NKX2-8: variants seen among roughly 807,000 people sequenced by gnomAD.
The protein encoded by NKX2-8 is NK2 homeobox 8.
NKX2-8 carries 8 observed loss-of-function variants against 6.4 expected under a neutral mutation model. That is an observed-to-expected ratio of 1.24 (90% CI 0.73 to 2.24). NKX2-8 has a LOEUF of 2.24. Ranked by LOEUF, NKX2-8 falls within the 30% of genes most tolerant of loss-of-function variation. The probability of loss-of-function intolerance (pLI) is 0.00; values close to 1 mark genes in which losing one functional copy is unlikely to be tolerated. For synonymous variants in NKX2-8, 216 were observed against 171.5 expected (o/e 1.26, Z -2.03); for missense variants, 406 against 351.1 (o/e 1.16, Z -1.25).
In NKX2-8 at chr14:36,582,586, C is replaced by G. The variant is rs889297199; in HGVS notation, c.-197G>C. On this transcript the variant is annotated 5_prime_UTR_variant, in exon 1 of 2. Transcript: ENST00000258829. Reference sequence around the variant, plus strand: ...GCTTTGAAAGCCGAGGTCCGGGTCTCCAGGGTGTTAAGTACCTGAATGAGC... The same window carrying G: ...GCTTTGAAAGCCGAGGTCCGGGTCTGCAGGGTGTTAAGTACCTGAATGAGC... 1.6e-5 allele frequency: 8 copies of G among 510,116 alleles called. No individual in the cohort carries two copies. Among genetic ancestry groups the G allele is most frequent in the Non-Finnish European group, 2.3e-5 (7 of 301,684 alleles). 31.6% of individuals were successfully genotyped at this position (510,116 alleles called of 1,614,324 possible).
rs1951596086 is a variant in NKX2-8, at chr14:36,581,845, G to A, written c.158-381C>T. Among the ~76,000 whole-genome samples, 1 of 151,114 alleles carries A rather than the reference G, an allele frequency of 6.6e-6. No homozygotes were observed. Among genetic ancestry groups the A allele is most frequent in the South Asian group, 2.1e-4 (1 of 4,738 alleles). On this transcript the variant is annotated intron_variant, in intron 1 of 1. Coordinates refer to ENST00000258829, the MANE Select transcript of NKX2-8 (RefSeq NM_014360.4). The surrounding 1 kb of genome is among the most constrained non-coding windows in gnomAD (Gnocchi z 5.6). ...CGGAGCCCTGAGTGGGAACGGGGTGGGGGTAAACTCGCCAACACTGGCCAT... is the reference window on the plus strand; with the variant it reads ...CGGAGCCCTGAGTGGGAACGGGGTGAGGGTAAACTCGCCAACACTGGCCAT...
Position 36,580,828 on chromosome 14 carries a change from T to G in NKX2-8, c.*74A>C. On this transcript the variant is annotated 3_prime_UTR_variant, in exon 2 of 2. Transcript: ENST00000258829. ...AGGCGGACGGAGAGCGTTCCAGGCG[T>G]TCGGCTCCGGCCCTGCTCCAATCGC... The G allele has an allele frequency of 9.0e-7, 1 of 1,109,642 alleles. No individual in the cohort carries two copies. Among genetic ancestry groups the G allele is most frequent in the Non-Finnish European group, 1.1e-6 (1 of 873,236 alleles). The allele number at this position is 1,109,642 out of a possible 1,614,324, so 68.7% of individuals were successfully genotyped here. A position where few individuals can be genotyped will look rare whatever the true frequency, so the allele number is the denominator to read the frequency against.
rs1467561151 is a variant in NKX2-8, at chr14:36,581,743, C to T, written c.158-279G>A. 6.6e-6 allele frequency among the ~76,000 whole-genome samples: 1 copy of T among 152,198 alleles called. No homozygotes were observed. Among genetic ancestry groups the T allele is most frequent in the Non-Finnish European group, 1.5e-5 (1 of 68,034 alleles). On this transcript the variant is annotated intron_variant, in intron 1 of 1. Transcript: ENST00000258829. The surrounding 1 kb of genome is among the most constrained non-coding windows in gnomAD (Gnocchi z 5.6). ...ATGTCCGCACCGGTAGTTGCGCTGGCCGACCAGTTTATCACAAGCTGGGTC... is the reference window on the plus strand; with the variant it reads ...ATGTCCGCACCGGTAGTTGCGCTGGTCGACCAGTTTATCACAAGCTGGGTC...
rs116790025 is a variant in NKX2-8 at position 36,580,683 on chromosome 14, G to A, written c.*219C>T. The A allele has an allele frequency of 0.011, 4,443 of 396,846 alleles. 201 individuals are homozygous for A. The highest frequency in any genetic ancestry group is 0.083 in the African/African-American group (4,053 of 48,648). 24.6% of individuals were successfully genotyped at this position (396,846 alleles called of 1,614,324 possible). On this transcript the variant is annotated 3_prime_UTR_variant, in exon 2 of 2. Coordinates refer to ENST00000258829, the MANE Select transcript of NKX2-8 (RefSeq NM_014360.4). ...CCCAAGCATAAAATCTAACTCTGGG[G>A]CTGGCGGTGGAGGGAAGGTGAGGGA...
At position 36,581,474 on chromosome 14, in the gene NKX2-8, G is replaced by C; in HGVS notation, c.158-10C>G. 6.5e-7 allele frequency: 1 copy of C among 1,528,956 alleles called. No individual in the cohort carries two copies. Among genetic ancestry groups the C allele is most frequent in the South Asian group, 1.3e-5 (1 of 75,790 alleles). The allele number at this position is 1,528,956 out of a possible 1,614,324, so 94.7% of individuals were successfully genotyped here. A position where few individuals can be genotyped will look rare whatever the true frequency, so the allele number is the denominator to read the frequency against. On this transcript the variant is annotated splice_polypyrimidine_tract_variant and intron_variant, in intron 1 of 1. Coordinates refer to ENST00000258829, the MANE Select transcript of NKX2-8 (RefSeq NM_014360.4). The surrounding 1 kb of genome is among the most constrained non-coding windows in gnomAD (Gnocchi z 5.6). Reference sequence around the variant, plus strand: ...CTGCTCTCGTCCGAGGCTAGGGACAGCAAAGGAGACACGGGTGGGTGAGAC... The same window carrying C: ...CTGCTCTCGTCCGAGGCTAGGGACACCAAAGGAGACACGGGTGGGTGAGAC...
intron 1 of NKX2-8, 112 bp downstream of exon 1, chr14:36,582,121 T>C: frequency 2.5e-6 from 3 of 1,213,462 alleles, no homozygotes; most frequent in Non-Finnish European, 3.4e-6. Flanking sequence ...TGAGGAAATC[T>C]AGACTCTGGG....
rs1052087496 is a variant in NKX2-8 at position 36,580,318 on chromosome 14, G to A, written c.*584C>T. On this transcript the variant is annotated 3_prime_UTR_variant, in exon 2 of 2. Coordinates refer to ENST00000258829, the MANE Select transcript of NKX2-8 (RefSeq NM_014360.4). Reference sequence around the variant, plus strand: ...GGCCAGTGACGCCTCCCGCTGACAAGAATCCCAAAGTTGCCTCAGCTTCCT... The same window carrying A: ...GGCCAGTGACGCCTCCCGCTGACAAAAATCCCAAAGTTGCCTCAGCTTCCT... Among the ~76,000 whole-genome samples the A allele has an allele frequency of 6.6e-6, 1 of 152,168 alleles. No individual in the cohort carries two copies. The highest frequency in any genetic ancestry group is 1.5e-5 in the Non-Finnish European group (1 of 68,024).
chr14:36,580,808 G>C lies in NKX2-8; in HGVS notation c.*94C>G, dbSNP rs1020762356. ...AAGGAGATGGGGCTGCAGGGAGGCG[G>C]ACGGAGAGCGTTCCAGGCGTTCGGC... On this transcript the variant is annotated 3_prime_UTR_variant, in exon 2 of 2. Coordinates refer to ENST00000258829, the MANE Select transcript of NKX2-8 (RefSeq NM_014360.4). 2 of 950,158 alleles carry C rather than the reference G, an allele frequency of 2.1e-6. No individual in the cohort carries two copies. The highest frequency in any genetic ancestry group is 2.7e-6 in the Non-Finnish European group (2 of 728,698). The allele number at this position is 950,158 out of a possible 1,614,324, so 58.9% of individuals were successfully genotyped here.
chr14:36,582,310 C>G lies in NKX2-8; in HGVS notation c.80G>C (p.Arg27Thr). 1.9e-6 allele frequency: 3 copies of G among 1,608,088 alleles called. No homozygotes were observed. The highest frequency in any genetic ancestry group is 2.5e-6 in the Non-Finnish European group (3 of 1,176,954). ...GGGGGCGCGTGGTTCTGGCTCCCGCCTCGGCAGGTGTTGCGCGTCCTGCTC... is the reference window on the plus strand; with the variant it reads ...GGGGGCGCGTGGTTCTGGCTCCCGCGTCGGCAGGTGTTGCGCGTCCTGCTC... ...LPEQDAQHLPRREPEPRAPQP... is the reference protein window; with the variant it reads ...LPEQDAQHLPTREPEPRAPQP... The change falls in exon 1 of 2, where the codon AGG becomes ACG. Residue 27 changes from arginine to threonine, a missense_variant. By Grantham distance (71) the Arg-to-Thr change is moderately conservative. Transcript: ENST00000258829.
rs1485555670 is a variant in NKX2-8 at position 36,582,254 on chromosome 14, A to T, written c.136T>A (p.Ser46Thr). Residue 46 changes from serine (S) to threonine (T), a missense_variant, in exon 1 of 2, where the codon TCG becomes ACG. By Grantham distance (58) the Ser-to-Thr change is moderately conservative. Transcript: ENST00000258829. Reference sequence around the variant, plus strand: ...TTACAAGGGTAGTGGCCGCGCTCCGAATCCAGCCAGGCGGCGCAGGGGTCG... The same window carrying T: ...TTACAAGGGTAGTGGCCGCGCTCCGTATCCAGCCAGGCGGCGCAGGGGTCG... ...QPDPCAAWLD[S>T]ERGHYPSSDE... 3 of 1,608,912 alleles carry T rather than the reference A, an allele frequency of 1.9e-6. No individual in the cohort carries two copies. Among genetic ancestry groups the T allele is most frequent in the Non-Finnish European group, 2.5e-6 (3 of 1,177,552 alleles).
chr14:36,580,094 C>T lies in NKX2-8; in HGVS notation c.*808G>A, dbSNP rs1182217393. The stretch of plus-strand genomic sequence containing the variant: ...CCCCAGGCACTTTTCAAAGGGTCCC[C>T]GAGCACTTGGCTCCTGCACTCTGGA... On this transcript the variant is annotated 3_prime_UTR_variant, in exon 2 of 2. Transcript: ENST00000258829. Among the ~76,000 whole-genome samples the T allele has an allele frequency of 1.3e-5, 2 of 152,178 alleles. No homozygotes were observed. Among genetic ancestry groups the T allele is most frequent in the Admixed American group, 1.3e-4 (2 of 15,276 alleles).
Position 36,580,851 on chromosome 14 carries a change from C to T in NKX2-8, c.*51G>A. The T allele has an allele frequency of 8.1e-7, 1 of 1,231,898 alleles. No individual in the cohort carries two copies. The allele number at this position is 1,231,898 out of a possible 1,614,324, so 76.3% of individuals were successfully genotyped here. On this transcript the variant is annotated 3_prime_UTR_variant, in exon 2 of 2. Coordinates refer to ENST00000258829, the MANE Select transcript of NKX2-8 (RefSeq NM_014360.4). The stretch of plus-strand genomic sequence containing the variant: ...CGTTCGGCTCCGGCCCTGCTCCAAT[C>T]GCAGAGCGCGCTCCAAAGTCGAGGG...
Position 36,582,561 on chromosome 14 carries a change from G to T in NKX2-8, c.-172C>A, listed in dbSNP as rs868788645. 5.0e-6 allele frequency: 3 copies of T among 595,976 alleles called. No homozygotes were observed. Among genetic ancestry groups the T allele is most frequent in the South Asian group, 6.9e-5 (2 of 29,022 alleles). The allele number at this position is 595,976 out of a possible 1,614,324, so 36.9% of individuals were successfully genotyped here. On this transcript the variant is annotated 5_prime_UTR_variant, in exon 1 of 2. Transcript: ENST00000258829. ...ATAAACAGCTCTTCCCACCCAGGCC[G>T]CTTTGAAAGCCGAGGTCCGGGTCTC... is the stretch of plus-strand genomic sequence containing the variant.
Position 36,580,565 on chromosome 14 carries a change from T to C in NKX2-8, c.*337A>G, listed in dbSNP as rs1879184454. The C allele has an allele frequency of 5.3e-6, 1 of 189,036 alleles. No individual in the cohort carries two copies. The highest frequency in any genetic ancestry group is 1.1e-5 in the Non-Finnish European group (1 of 92,810). The allele number at this position is 189,036 out of a possible 1,614,324, so 11.7% of individuals were successfully genotyped here. ...CGCGCAGGGGACCCAACCCCACACA[T>C]TTTATTCTCGAACTACGAGGAAAAA... On this transcript the variant is annotated 3_prime_UTR_variant, in exon 2 of 2. Transcript: ENST00000258829.
chr14:36,581,525 CCTTCTGGCGCGGGCGT>C lies in NKX2-8; in HGVS notation c.158-77_158-62del. 1 of 1,422,086 alleles carries C rather than the reference CCTTCTGGCGCGGGCGT, an allele frequency of 7.0e-7. No homozygotes were observed. The highest frequency in any genetic ancestry group is 2.5e-5 in the East Asian group (1 of 40,280). The allele number at this position is 1,422,086 out of a possible 1,614,324, so 88.1% of individuals were successfully genotyped here. A position where few individuals can be genotyped will look rare whatever the true frequency, so the allele number is the denominator to read the frequency against. ...GCCGGACCCTACGAGGGCCTGCTGC[CCTTCTGGCGCGGGCGT>C]GGAGGCACTGGCCAGAGGGCACGCC... On this transcript the variant is annotated intron_variant, in intron 1 of 1. Transcript: ENST00000258829. This position sits in a 1 kb window ranked among gnomAD's most constrained non-coding sequence, Gnocchi z 5.6.
Position 36,581,722 on chromosome 14 carries a change from C to T in NKX2-8, c.158-258G>A, listed in dbSNP as rs1879250193. On this transcript the variant is annotated intron_variant, in intron 1 of 1. Coordinates refer to ENST00000258829, the MANE Select transcript of NKX2-8 (RefSeq NM_014360.4). The surrounding 1 kb of genome is among the most constrained non-coding windows in gnomAD (Gnocchi z 5.6). The stretch of plus-strand genomic sequence containing the variant: ...CCACCCCGGGGCCCTCTTAACATGT[C>T]CGCACCGGTAGTTGCGCTGGCCGAC... Among the ~76,000 whole-genome samples the T allele has an allele frequency of 6.6e-6, 1 of 152,230 alleles. No homozygotes were observed. The highest frequency in any genetic ancestry group is 1.5e-5 in the Non-Finnish European group (1 of 68,046).
At position 36,581,657 on chromosome 14, in the gene NKX2-8, AG is replaced by A. The variant is rs1879247340; in HGVS notation, c.158-194del. On this transcript the variant is annotated intron_variant, in intron 1 of 1. Transcript: ENST00000258829. The surrounding 1 kb of genome is among the most constrained non-coding windows in gnomAD (Gnocchi z 5.6). ...AATGCGGTGACCTCATTCATACCAC[AG>A]CGGTCATCAGCGGGCCTGAGATCGT... Among the ~76,000 whole-genome samples, 1 of 152,186 alleles carries A rather than the reference AG, an allele frequency of 6.6e-6. No individual in the cohort carries two copies. The highest frequency in any genetic ancestry group is 2.1e-4 in the South Asian group (1 of 4,830).
chr14:36,580,669 A>G lies in NKX2-8; in HGVS notation c.*233T>C, dbSNP rs1879188023. 1 of 394,538 alleles carries G rather than the reference A, an allele frequency of 2.5e-6. No individual in the cohort carries two copies. Among genetic ancestry groups the G allele is most frequent in the East Asian group, 3.6e-5 (1 of 27,682 alleles). The allele number at this position is 394,538 out of a possible 1,614,324, so 24.4% of individuals were successfully genotyped here. ...ATATACAAATAAGGCCCAAGCATAA[A>G]ATCTAACTCTGGGGCTGGCGGTGGA... On this transcript the variant is annotated 3_prime_UTR_variant, in exon 2 of 2. Coordinates refer to ENST00000258829, the MANE Select transcript of NKX2-8 (RefSeq NM_014360.4).
Position 36,580,751 on chromosome 14 carries a change from C to A in NKX2-8, c.*151G>T. 2.1e-6 allele frequency: 1 copy of A among 471,864 alleles called. No individual in the cohort carries two copies. Among genetic ancestry groups the A allele is most frequent in the Non-Finnish European group, 3.4e-6 (1 of 293,558 alleles). The allele number at this position is 471,864 out of a possible 1,614,324, so 29.2% of individuals were successfully genotyped here. A position where few individuals can be genotyped will look rare whatever the true frequency, so the allele number is the denominator to read the frequency against. ...TCCCTCGTGTGTGCTTGCGCGACGGCTGATGAGGGCGCGCCAGGGACCCTG... is the reference window on the plus strand; with the variant it reads ...TCCCTCGTGTGTGCTTGCGCGACGGATGATGAGGGCGCGCCAGGGACCCTG... On this transcript the variant is annotated 3_prime_UTR_variant, in exon 2 of 2. Coordinates refer to ENST00000258829, the MANE Select transcript of NKX2-8 (RefSeq NM_014360.4).
Sources: allele counts gnomAD v4.1 joint callset (sites outside exome capture counted in the v4.1 genomes callset), GRCh38; gene constraint gnomAD v4.1.1; non-coding constraint Gnocchi (gnomAD v3.1); transcripts MANE v1.5; gene names NCBI Gene and HGNC (gene_info 2026-07-23, HGNC 2026-07-21).